ADAMTS17: variants seen among roughly 807,000 people sequenced by gnomAD.
ADAMTS17 encodes ADAM metallopeptidase with thrombospondin type 1 motif 17.
ADAMTS17 carries 113 observed loss-of-function variants against 141.5 expected under a neutral mutation model. The ratio of observed to expected loss-of-function variants is 0.80; its 90% CI spans 0.69 to 0.93. ADAMTS17 has a LOEUF of 0.93. Among genes scored for constraint, ADAMTS17 ranks in the 40% least tolerant of loss-of-function variants. The pLI, the probability that ADAMTS17 is intolerant of heterozygous loss-of-function variation, is 0.00. For missense variants in ADAMTS17, 1,659 were observed against 1,517.9 expected (o/e 1.09, Z -1.54); for synonymous variants, 768 against 630.6 (o/e 1.22, Z -3.27).
At chr15:100,300,391 A>G (rs1476898476) in intron 3 of ADAMTS17, among the ~76,000 whole-genome samples, 1 of 152,190 alleles carries the variant, frequency 6.6e-6, no homozygotes, top group African/African-American at 2.4e-5. Flanking sequence ...GACCCTTCAG[A>G]GCAAAACGAC....
chr15:99,977,175 C>A (rs1188654934), intron 20 of ADAMTS17, among the ~76,000 whole-genome samples: 3 of 151,264 alleles, frequency 2.0e-5, no homozygotes, highest in African/African-American at 7.3e-5. Context: ...CACGCACTAA[C>A]ATGTGGCTGA....
chr15:100,314,505 G>C (rs117898861), intron 3 of ADAMTS17, among the ~76,000 whole-genome samples: 1 of 152,156 alleles, frequency 6.6e-6, no homozygotes, highest in Non-Finnish European at 1.5e-5. Flanking sequence ...AGAGGGAAGA[G>C]AGAGAGAACA....
intron 8 of ADAMTS17, among the ~76,000 whole-genome samples, chr15:100,181,540 G>T (rs757913094): frequency 6.6e-6 from 1 of 152,218 alleles, no homozygotes; most frequent in Non-Finnish European, 1.5e-5. Flanking sequence ...TATGAATGAT[G>T]CCAGGACTGG....
chr15:100,102,544 T>C (rs1186992859), intron 14 of ADAMTS17, among the ~76,000 whole-genome samples: 1 of 128,142 alleles, frequency 7.8e-6, no homozygotes, highest in Non-Finnish European at 1.7e-5. Flanking sequence ...GAAGGGGATC[T>C]ACATTTGAAG....
intron 3 of ADAMTS17, among the ~76,000 whole-genome samples, chr15:100,290,630 A>C (rs775576953): frequency 5.3e-5 from 8 of 152,246 alleles, no homozygotes; most frequent in Non-Finnish European, 8.8e-5. Flanking sequence ...AGTAACCAAA[A>C]CAGCATGGCA....
rs565648934 is a variant in ADAMTS17 at position 99,977,364 on chromosome 15, A to T, written c.2950-1142T>A. On this transcript the variant is annotated intron_variant, in intron 20 of 21. Coordinates refer to ENST00000268070, the MANE Select transcript of ADAMTS17 (RefSeq NM_139057.4). The stretch of plus-strand genomic sequence containing the variant: ...CCCTCCTCTTCATATATATATATAT[A>T]TATATATATATATATATATATATAT... Among the ~76,000 whole-genome samples the T allele has an allele frequency of 3.0e-3, 22 of 7,412 alleles. 1 individual carries two copies. Among genetic ancestry groups the T allele is most frequent in the Non-Finnish European group, 4.8e-3 (19 of 3,986 alleles). 4.9% of individuals were successfully genotyped at this position (7,412 alleles called of 152,430 possible).
At chr15:100,071,058 G>T (rs543631268) in intron 15 of ADAMTS17, among the ~76,000 whole-genome samples, 1 of 150,086 alleles carries the variant, frequency 6.7e-6, no homozygotes, top group African/African-American at 2.5e-5. Context: ...TGATAAAGCA[G>T]ATATCACCAC....
At chr15:100,050,870 G>A (rs907125526) in intron 17 of ADAMTS17, among the ~76,000 whole-genome samples, 1 of 152,164 alleles carries the variant, frequency 6.6e-6, no homozygotes, top group Non-Finnish European at 1.5e-5. Flanking sequence ...ACTGTACTAA[G>A]AAACTGCTGG....
chr15:100,206,241 G>A (rs1488854104), intron 7 of ADAMTS17, among the ~76,000 whole-genome samples: 1 of 152,172 alleles, frequency 6.6e-6, no homozygotes, highest in East Asian at 1.9e-4. Flanking sequence ...TGGCATTCAG[G>A]AAACACCATG....
chr15:100,156,657 A>T (rs1219536164), intron 8 of ADAMTS17, among the ~76,000 whole-genome samples: 1 of 152,198 alleles, frequency 6.6e-6, no homozygotes, highest in Non-Finnish European at 1.5e-5. Context: ...TATGGGGACA[A>T]ACACCAAGTT....
At chr15:100,168,931 A>G (rs1393282171) in intron 8 of ADAMTS17, among the ~76,000 whole-genome samples, 1 of 152,208 alleles carries the variant, frequency 6.6e-6, no homozygotes, top group Non-Finnish European at 1.5e-5. Flanking sequence ...GTATTTTAAC[A>G]TCATCTGCCT....
In ADAMTS17 at chr15:100,331,761, C is replaced by T. The variant is rs149578550; in HGVS notation, c.451-707G>A. 5.7e-3 allele frequency among the ~76,000 whole-genome samples: 866 copies of T among 152,206 alleles called. 10 individuals are homozygous for T. The highest frequency in any genetic ancestry group is 0.019 in the African/African-American group (809 of 41,528). ...ATCCTTTCTTGTCTCCCTCTTCCAC[C>T]CTCACTTTTCAAAAGCCATGACACA... On this transcript the variant is annotated intron_variant, in intron 2 of 21. Coordinates refer to ENST00000268070, the MANE Select transcript of ADAMTS17 (RefSeq NM_139057.4).
intron 12 of ADAMTS17, 28 bp from the exon 13 acceptor site, chr15:100,117,041 A>G (rs2037180190): frequency 6.3e-7 from 1 of 1,581,512 alleles, no homozygotes; most frequent in African/African-American, 1.3e-5. Flanking sequence ...GTCTGTGTTA[A>G]CCAGGTGGTG....
rs539397661 is a variant in ADAMTS17, at chr15:100,085,461, G to A, written c.2137+10895C>T. On this transcript the variant is annotated intron_variant, in intron 15 of 21. Transcript: ENST00000268070. ...AGAACTTCCCCAATCTAGCAAGGCA[G>A]GCCAACACTCAAATTCAGGAAATAT... Among the ~76,000 whole-genome samples, 3 of 150,180 alleles carry A rather than the reference G, an allele frequency of 2.0e-5. No individual in the cohort carries two copies. The East Asian group carries it at 5.9e-4, about 30-fold the overall frequency.
At chr15:100,110,365 T>C (rs1311821822) in intron 13 of ADAMTS17, among the ~76,000 whole-genome samples, 7 of 151,306 alleles carry the variant, frequency 4.6e-5, no homozygotes, top group South Asian at 2.1e-4. Context: ...CCCAGGTTCA[T>C]GCCATTCTCC....
intron 3 of ADAMTS17, among the ~76,000 whole-genome samples, chr15:100,282,981 G>A (rs1411401774): frequency 6.6e-6 from 1 of 152,074 alleles, no homozygotes; most frequent in African/African-American, 2.4e-5. Context: ...TATGAATAGT[G>A]GTATGTGATC....
chr15:100,200,522 G>A (rs532407934), intron 7 of ADAMTS17, among the ~76,000 whole-genome samples: 17 of 152,234 alleles, frequency 1.1e-4, no homozygotes, highest in Middle Eastern at 3.4e-3. Context: ...AACAGGGCTC[G>A]CTAGGAAACC....
intron 18 of ADAMTS17, among the ~76,000 whole-genome samples, chr15:100,041,325 C>T (rs376923332): frequency 2.0e-5 from 3 of 152,148 alleles, no homozygotes; most frequent in Admixed American, 6.5e-5. Context: ...ATCATAAATA[C>T]CATAGGGAAA....
At chr15:100,160,279 CGAT>C (rs1296837959) in intron 8 of ADAMTS17, among the ~76,000 whole-genome samples, 1 of 152,174 alleles carries the variant, frequency 6.6e-6, no homozygotes, top group Non-Finnish European at 1.5e-5. Flanking sequence ...GGGCACAAGT[CGAT>C]GGAGGATCAA....
Sources: allele counts gnomAD v4.1 joint callset (sites outside exome capture counted in the v4.1 genomes callset), GRCh38; gene constraint gnomAD v4.1.1; transcripts MANE v1.5; gene names NCBI Gene and HGNC (gene_info 2026-07-23, HGNC 2026-07-21).